The following ADAMDEC1 variants were observed in gnomAD, a reference collection of about 807,000 sequenced individuals.
The protein encoded by ADAMDEC1 is ADAM like decysin 1, also known as ADAM DEC1.
A neutral mutation model predicts 60.4 loss-of-function variants in ADAMDEC1; 62 were observed. The ratio of observed to expected loss-of-function variants is 1.03; its 90% CI spans 0.84 to 1.27. The LOEUF is 1.27. Among genes scored for constraint, ADAMDEC1 ranks in the 50% most tolerant of loss-of-function variants. The pLI is 0.00. For missense variants in ADAMDEC1, 595 were observed against 565.0 expected, an observed-to-expected ratio of 1.05 and a Z score of -0.54; for synonymous variants, 210 against 195.1, an observed-to-expected ratio of 1.08 and a Z score of -0.64.
At chr8:24,399,104 AG>A in intron 9 of ADAMDEC1, 64 bp downstream of exon 9, 1 of 1,517,196 alleles carries the variant, frequency 6.6e-7, no homozygotes, top group South Asian at 1.3e-5. Context: ...GTTCCTTAGC[AG>A]GGATTTCCAC....
At position 24,405,212 on chromosome 8, in the gene ADAMDEC1, C is replaced by T. The variant is rs1165099222; in HGVS notation, c.1407-80C>T. Reference sequence around the variant, plus strand: ...TTATTCACATAATTTAAATTCTATACATTTTCATTATCATTATTACATAAT... The same window carrying T: ...TTATTCACATAATTTAAATTCTATATATTTTCATTATCATTATTACATAAT... On this transcript the variant is annotated intron_variant, in intron 13 of 13. Transcript: ENST00000256412. 7 of 1,298,066 alleles carry T rather than the reference C, an allele frequency of 5.4e-6. No homozygotes were observed. In the Admixed American group the frequency reaches 1.1e-4, roughly 20 times the overall value. 80.4% of individuals were successfully genotyped at this position (1,298,066 alleles called of 1,614,324 possible).
At chr8:24,390,269 T>C (rs1427144069) in intron 1 of ADAMDEC1, 1 of 939,590 alleles carries the variant, frequency 1.1e-6, no homozygotes, top group Non-Finnish European at 1.4e-6. Context: ...CATTATTTTT[T>C]CTTCTATGTG....
chr8:24,392,230 C>CTTT, intron 1 of ADAMDEC1, 32 bp from the exon 2 acceptor site: 1 of 1,521,774 alleles, frequency 6.6e-7, no homozygotes, highest in Non-Finnish European at 9.0e-7. Flanking sequence ...ACCTTTAAAT[C>CTTT]TTTTATGTGA....
chr8:24,391,346 T>A (rs1354763924), intron 1 of ADAMDEC1, among the ~76,000 whole-genome samples: 1 of 152,300 alleles, frequency 6.6e-6, no homozygotes, highest in African/African-American at 2.4e-5. Flanking sequence ...AGAAAAAGTA[T>A]GCTGCCATCT....
intron 1 of ADAMDEC1, among the ~76,000 whole-genome samples, chr8:24,385,543 A>G (rs1817270574): frequency 6.6e-6 from 1 of 152,214 alleles, no homozygotes; most frequent in Non-Finnish European, 1.5e-5. Flanking sequence ...TATAGTCAAC[A>G]CTTTGTAATT....
At chr8:24,391,870 A>C (rs1333750215) in intron 1 of ADAMDEC1, among the ~76,000 whole-genome samples, 1 of 152,154 alleles carries the variant, frequency 6.6e-6, no homozygotes. Flanking sequence ...CATAGAGAGA[A>C]AAATTCACAA....
Position 24,394,167 on chromosome 8 carries a change from TGG to T in ADAMDEC1, c.363+22_363+23del. 6.3e-7 allele frequency: 1 copy of T among 1,577,320 alleles called. No homozygotes were observed. Among genetic ancestry groups the T allele is most frequent in the Non-Finnish European group, 8.7e-7 (1 of 1,147,082 alleles). On this transcript the variant is annotated intron_variant, in intron 4 of 13. Coordinates refer to ENST00000256412, the MANE Select transcript of ADAMDEC1 (RefSeq NM_014479.3). ...AACATGGTAGGGTCCGAATACTTTGTGGGTCTCTTTTGAGTTTTAGATGTTAT... is the reference window on the plus strand; with the variant it reads ...AACATGGTAGGGTCCGAATACTTTGTGTCTCTTTTGAGTTTTAGATGTTAT...
chr8:24,388,411 G>A (rs951826316), intron 1 of ADAMDEC1, among the ~76,000 whole-genome samples: 2 of 151,506 alleles, frequency 1.3e-5, no homozygotes, highest in South Asian at 2.1e-4. Context: ...CTGCTCTTAC[G>A]GCTTCAAGGA....
chr8:24,404,060 T>C lies in ADAMDEC1; in HGVS notation c.1378T>C (p.Cys460Arg), dbSNP rs1317396763. The C allele has an allele frequency of 1.9e-6, 3 of 1,613,736 alleles. No homozygotes were observed. Reference sequence around the variant, plus strand: ...GTGTAAACTGAAGCCTGGAACTGATTGCGGAGGAGATGCTCCAAACCATAC... The same window carrying C: ...GTGTAAACTGAAGCCTGGAACTGATCGCGGAGGAGATGCTCCAAACCATAC... Reference protein sequence around the residue: ...LTCKLKPGTDCGGDAPNHTTE With the variant: ...LTCKLKPGTDRGGDAPNHTTE The change falls in exon 13 of 14, where the codon TGC becomes CGC. Residue 460 changes from cysteine to arginine, a missense_variant. Transcript: ENST00000256412.
chr8:24,399,067 T>C (rs1230724020), intron 9 of ADAMDEC1, 27 bp downstream of exon 9: 3 of 1,596,108 alleles, frequency 1.9e-6, no homozygotes. Context: ...CAGGTGAATG[T>C]AGGCAGAATG....
At position 24,398,332 on chromosome 8, in the gene ADAMDEC1, T is replaced by C. The variant is rs7833824; in HGVS notation, c.691-148T>C. The C allele has an allele frequency of 6.6e-3, 3,218 of 489,842 alleles. 95 individuals are homozygous for C. Among genetic ancestry groups the C allele is most frequent in the African/African-American group, 0.06 (2,951 of 49,136 alleles). The allele number at this position is 489,842 out of a possible 1,614,324, so 30.3% of individuals were successfully genotyped here. ...ACATTTGAAATAGAATTTGCCACAA[T>C]GCAGTCTTACATTATTTAATTATGG... On this transcript the variant is annotated intron_variant, in intron 7 of 13. Coordinates refer to ENST00000256412, the MANE Select transcript of ADAMDEC1 (RefSeq NM_014479.3).
chr8:24,393,220 G>A, intron 2 of ADAMDEC1, 42 bp from the exon 3 acceptor site: 1 of 1,241,228 alleles, frequency 8.1e-7, no homozygotes, highest in South Asian at 1.4e-5. Flanking sequence ...TTTTAGTTAT[G>A]CTCAGAAATA....
rs941351828 is a variant in ADAMDEC1 at position 24,405,864 on chromosome 8, A to G, written c.*566A>G. 6.6e-6 allele frequency: 1 copy of G among 152,576 alleles called. No homozygotes were observed. The highest frequency in any genetic ancestry group is 2.1e-4 in the South Asian group (1 of 4,838). 9.5% of individuals were successfully genotyped at this position (152,576 alleles called of 1,614,324 possible). On this transcript the variant is annotated 3_prime_UTR_variant, in exon 14 of 14. Coordinates refer to ENST00000256412, the MANE Select transcript of ADAMDEC1 (RefSeq NM_014479.3). ...ATTCAATGTAAATATTTTTCATTTT[A>G]TCATGTATATCCTATACACACATCT...
In ADAMDEC1 at chr8:24,392,356, C is replaced by G. The variant is rs1817466907; in HGVS notation, c.183C>G (p.Asn61Lys). The change falls in exon 2 of 14, where the codon AAC becomes AAG. Residue 61 changes from asparagine to lysine, a missense_variant. By Grantham distance (94) the Asn-to-Lys change is moderately conservative. Transcript: ENST00000256412. ...TACACAAAAGAGAGATCAAGAACAA[C>G]CAGACAGAAAAGCATGGCAAAGAGG... is the stretch of plus-strand genomic sequence containing the variant. ...HILHKREIKNNQTEKHGKEER... is the reference protein window; with the variant it reads ...HILHKREIKNKQTEKHGKEER... 5 of 1,610,718 alleles carry G rather than the reference C, an allele frequency of 3.1e-6. No individual in the cohort carries two copies. In the Admixed American group the frequency reaches 8.4e-5, roughly 27 times the overall value.
In ADAMDEC1 at chr8:24,384,368, A is replaced by AT. The variant is rs992169525; in HGVS notation, c.-131dup. On this transcript the variant is annotated 5_prime_UTR_variant, in exon 1 of 14. The change creates a premature stop within an existing upstream ORF in the 5' untranslated region. Transcript: ENST00000256412. The stretch of plus-strand genomic sequence containing the variant: ...ACATTCTCATGATGTTGACACTGCA[A>AT]TTTTTTGACAATTTCCCAACACTCT... 20 of 676,742 alleles carry AT rather than the reference A, an allele frequency of 3.0e-5. No individual in the cohort carries two copies. The East Asian group carries it at 5.9e-4, about 20-fold the overall frequency. The allele number at this position is 676,742 out of a possible 1,614,324, so 41.9% of individuals were successfully genotyped here.
intron 2 of ADAMDEC1, 139 bp from the exon 3 acceptor site, chr8:24,393,123 C>T: frequency 1.9e-6 from 1 of 535,672 alleles, no homozygotes; most frequent in Non-Finnish European, 3.2e-6. Context: ...TTTGTTTTGT[C>T]TTACATATTT....
rs550205195 is a variant in ADAMDEC1, at chr8:24,386,393, T to C, written c.88+1801T>C. Among the ~76,000 whole-genome samples the C allele has an allele frequency of 2.6e-5, 4 of 152,338 alleles. No homozygotes were observed. In the East Asian group the frequency reaches 7.7e-4, roughly 29 times the overall value. Reference sequence around the variant, plus strand: ...CATTTTCAAACAAACTTGTACTCACTGAACTGCTAAGCAAAATGAACTTCA... The same window carrying C: ...CATTTTCAAACAAACTTGTACTCACCGAACTGCTAAGCAAAATGAACTTCA... On this transcript the variant is annotated intron_variant, in intron 1 of 13. Transcript: ENST00000256412.
rs368125125 is a variant in ADAMDEC1, at chr8:24,384,454, T to C, written c.-51T>C. 6.2e-6 allele frequency: 9 copies of C among 1,450,380 alleles called. No homozygotes were observed. The African/African-American group carries it at 1.2e-4, about 19-fold the overall frequency. The allele number at this position is 1,450,380 out of a possible 1,614,324, so 89.8% of individuals were successfully genotyped here. A position where few individuals can be genotyped will look rare whatever the true frequency, so the allele number is the denominator to read the frequency against. On this transcript the variant is annotated 5_prime_UTR_variant, in exon 1 of 14. Transcript: ENST00000256412. The stretch of plus-strand genomic sequence containing the variant: ...GGTTTTAATTTTCTTGTTCAACTTC[T>C]AAAGAGAAATTGGAGAAGATAAAAC...
At chr8:24,385,988 G>A (rs1817281713) in intron 1 of ADAMDEC1, among the ~76,000 whole-genome samples, 1 of 151,828 alleles carries the variant, frequency 6.6e-6, no homozygotes, top group Admixed American at 6.6e-5. Flanking sequence ...ATTCCTCAGA[G>A]GTCTCAAAAT....
Sources: allele counts gnomAD v4.1 joint callset (sites outside exome capture counted in the v4.1 genomes callset), GRCh38; gene constraint gnomAD v4.1.1; transcripts MANE v1.5; gene names NCBI Gene and HGNC (gene_info 2026-07-23, HGNC 2026-07-21).